The following EPHA7 variants were observed in gnomAD, a reference collection of about 807,000 sequenced individuals.
The protein encoded by EPHA7 is ephrin type-A receptor 7.
Under a neutral mutation model 112.6 loss-of-function variants are expected in EPHA7, and 25 were observed. The observed-to-expected ratio is 0.22, with a 90% CI of 0.16 to 0.31. EPHA7 has a LOEUF of 0.31. Ranked by LOEUF, EPHA7 falls within the 10% of genes least tolerant of loss-of-function variation. EPHA7 has a pLI of 1.00. For synonymous variants in EPHA7, 437 were observed against 406.5 expected, an observed-to-expected ratio of 1.07 and a Z score of -0.90; for missense variants, 962 against 1,212.6, an observed-to-expected ratio of 0.79 and a Z score of 3.07.
intron 5 of EPHA7, among the ~76,000 whole-genome samples, chr6:93,306,705 T>C (rs970798621): frequency 2.6e-5 from 4 of 152,174 alleles, no homozygotes; most frequent in Middle Eastern, 3.4e-3. Flanking sequence ...ATATTTATCA[T>C]GAAATGTGTA....
rs1325584321 is a variant in EPHA7, at chr6:93,410,315, A to G, written c.832+186T>C. ...TTTCATTATCACCTATATTGATTAC[A>G]TACACTTAGTGCAGATGCTACTGTA... On this transcript the variant is annotated intron_variant, in intron 3 of 16. Coordinates refer to ENST00000369303, the MANE Select transcript of EPHA7 (RefSeq NM_004440.4). The surrounding 1 kb of genome is among the most constrained non-coding windows in gnomAD (Gnocchi z 4.0). 1.7e-6 allele frequency: 1 copy of G among 599,290 alleles called. No homozygotes were observed. Among genetic ancestry groups the G allele is most frequent in the Admixed American group, 3.0e-5 (1 of 33,706 alleles). The allele number at this position is 599,290 out of a possible 1,614,324, so 37.1% of individuals were successfully genotyped here. A position where few individuals can be genotyped will look rare whatever the true frequency, so the allele number is the denominator to read the frequency against.
At chr6:93,365,186 G>A (rs887545865) in intron 3 of EPHA7, among the ~76,000 whole-genome samples, 2 of 152,152 alleles carry the variant, frequency 1.3e-5, no homozygotes, top group South Asian at 2.1e-4. Flanking sequence ...ATGTCTGTGT[G>A]TAAAATATAA....
intron 3 of EPHA7, chr6:93,409,948 CCA>C (rs1184047870): frequency 6.7e-6 from 1 of 149,038 alleles, no homozygotes; most frequent in African/African-American, 2.5e-5. Flanking sequence ...TCAGAAGTAA[CCA>C]CAGAGATTTT....
Position 93,240,849 on chromosome 6 carries a change from T to C in EPHA7, c.*2577A>G, listed in dbSNP as rs924516467. On this transcript the variant is annotated 3_prime_UTR_variant, in exon 17 of 17. Transcript: ENST00000369303. The stretch of plus-strand genomic sequence containing the variant: ...ACAATCAGCATTACAATGTTAATTC[T>C]TTTTCTCTTAATATTTGTTTCACAT... The C allele has an allele frequency of 4.8e-6, 1 of 207,888 alleles. No individual in the cohort carries two copies. The highest frequency in any genetic ancestry group is 2.3e-5 in the African/African-American group (1 of 44,016). 12.9% of individuals were successfully genotyped at this position (207,888 alleles called of 1,614,324 possible). A position where few individuals can be genotyped will look rare whatever the true frequency, so the allele number is the denominator to read the frequency against.
At chr6:93,315,003 C>G (rs1773731607) in intron 5 of EPHA7, among the ~76,000 whole-genome samples, 1 of 149,014 alleles carries the variant, frequency 6.7e-6, no homozygotes, top group Admixed American at 6.7e-5. Context: ...GCTGGGACTA[C>G]AGGCGCCCGC....
chr6:93,337,832 A>G (rs1457203289), intron 5 of EPHA7, among the ~76,000 whole-genome samples: 3 of 152,070 alleles, frequency 2.0e-5, no homozygotes, highest in Non-Finnish European at 4.4e-5. Flanking sequence ...CTCTTTGTTC[A>G]CCGTTTATAT....
intron 7 of EPHA7, among the ~76,000 whole-genome samples, chr6:93,265,059 C>T (rs1166592230): frequency 6.6e-6 from 1 of 151,510 alleles, no homozygotes; most frequent in Non-Finnish European, 1.5e-5. Context: ...TGATTTTGAT[C>T]CCTTTGTGTC....
At chr6:93,417,229 G>A (rs1297678844) in intron 1 of EPHA7, among the ~76,000 whole-genome samples, 1 of 152,128 alleles carries the variant, frequency 6.6e-6, no homozygotes, top group Non-Finnish European at 1.5e-5. Flanking sequence ...TCTTCCTCTA[G>A]CCACCCCCAA....
At chr6:93,243,979 A>C (rs1247481860) in intron 16 of EPHA7, among the ~76,000 whole-genome samples, 2 of 152,174 alleles carry the variant, frequency 1.3e-5, no homozygotes, top group African/African-American at 4.8e-5. Flanking sequence ...ATCAATGACC[A>C]TGTAAGTTTT....
At chr6:93,356,626 C>A in intron 5 of EPHA7, 91 bp downstream of exon 5, 1 of 1,192,198 alleles carries the variant, frequency 8.4e-7, no homozygotes, top group Non-Finnish European at 1.2e-6. Flanking sequence ...GAATCAAGCT[C>A]TGTGCAGAGA....
chr6:93,394,403 G>A (rs532827523), intron 3 of EPHA7, among the ~76,000 whole-genome samples: 1 of 151,516 alleles, frequency 6.6e-6, no homozygotes, highest in Non-Finnish European at 1.5e-5. Flanking sequence ...ATTTCTCTGT[G>A]GTCTTTGAGC....
At chr6:93,285,300 C>G (rs543534373) in intron 5 of EPHA7, among the ~76,000 whole-genome samples, 1 of 152,226 alleles carries the variant, frequency 6.6e-6, no homozygotes, top group Admixed American at 6.5e-5. Flanking sequence ...CTAATTAATA[C>G]CCAAGAATCA....
intron 5 of EPHA7, among the ~76,000 whole-genome samples, chr6:93,305,822 T>G (rs1466376816): frequency 6.6e-6 from 1 of 151,944 alleles, no homozygotes; most frequent in Admixed American, 6.6e-5. Context: ...AAAAAAAATT[T>G]AAGTTTCTTC....
intron 7 of EPHA7, 51 bp downstream of exon 7, chr6:93,269,426 A>G (rs749477381): frequency 2.0e-6 from 3 of 1,490,034 alleles, no homozygotes; most frequent in East Asian, 2.4e-5. Flanking sequence ...AAAAATATTA[A>G]TATATGCTAG....
chr6:93,339,797 G>A (rs1775054760), intron 5 of EPHA7, among the ~76,000 whole-genome samples: 2 of 151,726 alleles, frequency 1.3e-5, no homozygotes, highest in Admixed American at 1.3e-4. Flanking sequence ...AAAAACATAT[G>A]TCTAAAGAAT....
intron 2 of EPHA7, among the ~76,000 whole-genome samples, chr6:93,411,883 A>G (rs1778992813): frequency 6.6e-6 from 1 of 152,134 alleles, no homozygotes; most frequent in South Asian, 2.1e-4. Flanking sequence ...ATGCTGGATC[A>G]TATTTAGTAT....
At chr6:93,393,581 C>G (rs970173539) in intron 3 of EPHA7, among the ~76,000 whole-genome samples, 5 of 151,710 alleles carry the variant, frequency 3.3e-5, no homozygotes, top group Non-Finnish European at 7.4e-5. Context: ...TTTTTTAAAA[C>G]CCTATATTGG....
At chr6:93,320,115 G>A (rs1773995103) in intron 5 of EPHA7, among the ~76,000 whole-genome samples, 1 of 151,956 alleles carries the variant, frequency 6.6e-6, no homozygotes, top group South Asian at 2.1e-4. Flanking sequence ...GTATTAATGG[G>A]CTGCTCATTG....
chr6:93,341,888 T>A (rs1030550843), intron 5 of EPHA7, among the ~76,000 whole-genome samples: 1 of 151,790 alleles, frequency 6.6e-6, no homozygotes, highest in Non-Finnish European at 1.5e-5. Flanking sequence ...ATGCCAAATA[T>A]AATTTAATTT....
Sources: gnomAD v4.1 joint callset for allele counts (sites outside exome capture counted in the v4.1 genomes callset) on GRCh38, gnomAD v4.1.1 for gene constraint, Gnocchi (gnomAD v3.1) non-coding constraint, MANE v1.5 for transcripts, NCBI Gene and HGNC (gene_info 2026-07-23, HGNC 2026-07-21) for gene names.